Variants in TNRC6B observed in about 807,000 individuals in gnomAD.
TNRC6B encodes the protein trinucleotide repeat containing adaptor 6B.
TNRC6B carries 52 observed loss-of-function variants against 203.6 expected under a neutral mutation model. That is an observed-to-expected ratio of 0.26 (90% CI 0.20 to 0.32). TNRC6B has a LOEUF of 0.32. Among genes scored for constraint, TNRC6B ranks in the 10% least tolerant of loss-of-function variants. The probability of loss-of-function intolerance (pLI) is 1.00; values close to 1 mark genes in which losing one functional copy is unlikely to be tolerated. For synonymous variants in TNRC6B, 838 were observed against 845.7 expected (o/e 0.99, Z 0.16); for missense variants, 1,923 against 2,286.2 (o/e 0.84, Z 3.24).
rs746462214 is a variant in TNRC6B, at chr22:40,315,953, A to G, written c.4915A>G (p.Ser1639Gly). The stretch of plus-strand genomic sequence containing the variant: ...CTGGTTGCTCATAGCCTCTACCTGG[A>G]GTGATGGTGGCTCAGTTCGTCCTAG... ...DSRLASASTW[S>G]DGGSVRPSYW... The change falls in exon 21 of 23, where the codon AGT (serine) becomes GGT (glycine). Residue 1639 changes from serine (S) to glycine (G), a missense_variant. Ser to Gly is a moderately conservative substitution (Grantham distance 56). Coordinates refer to ENST00000454349, the MANE Select transcript of TNRC6B (RefSeq NM_001162501.2). 4 of 1,613,728 alleles carry G rather than the reference A, an allele frequency of 2.5e-6. No homozygotes were observed. Among genetic ancestry groups the G allele is most frequent in the Non-Finnish European group, 8.5e-7 (1 of 1,179,748 alleles).
intron 4 of TNRC6B, among the ~76,000 whole-genome samples, chr22:40,158,923 T>C (rs1006660180): frequency 6.6e-6 from 1 of 152,172 alleles, no homozygotes. Flanking sequence ...TACTATACTT[T>C]GTAAATATGA....
rs1320238942 is a variant in TNRC6B, at chr22:40,153,698, T to C, written c.46-2417T>C. 2.6e-5 allele frequency among the ~76,000 whole-genome samples: 4 copies of C among 151,920 alleles called. No individual in the cohort carries two copies. In the South Asian group the frequency reaches 6.2e-4, roughly 24 times the overall value. On this transcript the variant is annotated intron_variant, in intron 3 of 23. Coordinates refer to the TNRC6B transcript ENST00000301923. ...ACATAATAGCACTGTTAGCACTGAA[T>C]ATTGAGTTGAACAAAAACGGTAACT...
At chr22:40,058,989 C>T (rs1173807724) in intron 1 of TNRC6B, among the ~76,000 whole-genome samples, 1 of 152,208 alleles carries the variant, frequency 6.6e-6, no homozygotes, top group Non-Finnish European at 1.5e-5. Flanking sequence ...TCTTTAGCAA[C>T]CTGTCCTTAC....
At chr22:40,117,446 A>G (rs566755009) in intron 2 of TNRC6B, among the ~76,000 whole-genome samples, 1 of 152,290 alleles carries the variant, frequency 6.6e-6, no homozygotes, top group South Asian at 2.1e-4. Context: ...TCTGTAGTCC[A>G]CATTACTGCC....
chr22:40,153,513 T>C (rs1356513620), intron 3 of TNRC6B, among the ~76,000 whole-genome samples: 1 of 148,202 alleles, frequency 6.7e-6, no homozygotes, highest in Non-Finnish European at 1.5e-5. Flanking sequence ...AGTTTGAGGA[T>C]GAATTAATGA....
intron 3 of TNRC6B, among the ~76,000 whole-genome samples, chr22:40,260,210 T>G (rs980692446): frequency 6.6e-6 from 1 of 152,128 alleles, no homozygotes; most frequent in South Asian, 2.1e-4. Flanking sequence ...ACTTTTTTTT[T>G]TTTTTAAAGA....
At chr22:40,267,870 CAA>C (rs34619639) in intron 5 of TNRC6B, among the ~76,000 whole-genome samples, 41 of 146,242 alleles carry the variant, frequency 2.8e-4, no homozygotes, top group Middle Eastern at 3.5e-3. Flanking sequence ...ACCCTGTTGC[CAA>C]AAAAAAAAGA....
intron 3 of TNRC6B, among the ~76,000 whole-genome samples, chr22:40,144,556 T>C (rs1237847395): frequency 6.6e-6 from 1 of 151,708 alleles, no homozygotes; most frequent in Non-Finnish European, 1.5e-5. Flanking sequence ...GCACCTGTAG[T>C]CCCAGCTACT....
intron 1 of TNRC6B, among the ~76,000 whole-genome samples, chr22:40,209,246 A>G (rs1251681285): frequency 8.5e-6 from 1 of 116,968 alleles, no homozygotes; most frequent in South Asian, 3.1e-4. Flanking sequence ...AGAAACTTCT[A>G]AAGATAGCTT....
intron 12 of TNRC6B, among the ~76,000 whole-genome samples, chr22:40,293,190 CTTTTTTT>C (rs748230080): frequency 3.8e-5 from 3 of 79,450 alleles, no homozygotes; most frequent in East Asian, 8.8e-4. Flanking sequence ...ATATCCTTTT[CTTTTTTT>C]TTTTTTTTTT....
chr22:40,118,740 A>G (rs182382782), intron 2 of TNRC6B, among the ~76,000 whole-genome samples: 3 of 152,244 alleles, frequency 2.0e-5, no homozygotes, highest in Admixed American at 2.0e-4. Flanking sequence ...CTTATCACAT[A>G]GAGGAATCTA....
At position 40,285,961 on chromosome 22, in the gene TNRC6B, A is replaced by G. The variant is rs1391559797; in HGVS notation, c.3708+191A>G. On this transcript the variant is annotated intron_variant, in intron 12 of 22. Transcript: ENST00000454349. The stretch of plus-strand genomic sequence containing the variant: ...TGAAATATCTAGCTGCCAAAGATGA[A>G]GACTTTTAGAACAAAATCTCAAATC... Among the ~76,000 whole-genome samples the G allele has an allele frequency of 2.6e-5, 4 of 152,368 alleles. No individual in the cohort carries two copies. The South Asian group carries it at 8.3e-4, about 32-fold the overall frequency.
chr22:40,263,373 G>A (rs958501229), intron 4 of TNRC6B, among the ~76,000 whole-genome samples: 1 of 152,182 alleles, frequency 6.6e-6, no homozygotes, highest in Non-Finnish European at 1.5e-5. Context: ...CCCTACCCAT[G>A]GCCTTTCCTT....
chr22:40,200,208 T>C (rs2069391632), intron 1 of TNRC6B, among the ~76,000 whole-genome samples: 1 of 151,482 alleles, frequency 6.6e-6, no homozygotes, highest in African/African-American at 2.4e-5. Flanking sequence ...CAGTTCTTGG[T>C]ACTATTCTTG....
chr22:40,266,429 AG>A lies in TNRC6B; in HGVS notation c.2201del (p.Gly734ValfsTer58). On this transcript the variant is annotated frameshift_variant, in exon 5 of 23. Transcript: ENST00000454349. LOFTEE classifies it high-confidence loss of function. ...ENPSKDQGWG[G>X]GRQPNQGWSS... ...ATCCCAGCAAGGATCAGGGGTGGGG[AG>A]GTGGACGCCAGCCCAATCAAGGATG... 1 of 1,613,840 alleles carries A rather than the reference AG, an allele frequency of 6.2e-7. No homozygotes were observed. The highest frequency in any genetic ancestry group is 8.5e-7 in the Non-Finnish European group (1 of 1,179,842).
At chr22:40,246,324 G>GTAGCCTCCTGAGTAGCT in intron 2 of TNRC6B, 1 of 310,544 alleles carries the variant, frequency 3.2e-6, no homozygotes, top group African/African-American at 2.2e-5. Context: ...TGAGTAGCTG[G>GTAGCCTCCTGAGTAGCT]GATTACAGGT....
rs957792720 is a variant in TNRC6B, at chr22:40,333,849, G to A, written c.*10608G>A. On this transcript the variant is annotated 3_prime_UTR_variant, in exon 23 of 23. Coordinates refer to ENST00000454349, the MANE Select transcript of TNRC6B (RefSeq NM_001162501.2). ...TTGCCTAGATTTGGGCACCCATGAAGCAGGGTTGGAATGGATCATTTTGAA... is the reference window on the plus strand; with the variant it reads ...TTGCCTAGATTTGGGCACCCATGAAACAGGGTTGGAATGGATCATTTTGAA... The A allele has an allele frequency of 1.3e-5, 2 of 152,642 alleles. No individual in the cohort carries two copies. The highest frequency in any genetic ancestry group is 1.3e-4 in the Admixed American group (2 of 15,282). 9.5% of individuals were successfully genotyped at this position (152,642 alleles called of 1,614,324 possible). A position where few individuals can be genotyped will look rare whatever the true frequency, so the allele number is the denominator to read the frequency against.
At chr22:40,162,098 A>G (rs1601850716) in intron 4 of TNRC6B, among the ~76,000 whole-genome samples, 1 of 151,898 alleles carries the variant, frequency 6.6e-6, no homozygotes, top group East Asian at 1.9e-4. Flanking sequence ...GCCAAATACC[A>G]ATTTTTATTT....
intron 1 of TNRC6B, among the ~76,000 whole-genome samples, chr22:40,242,605 T>A (rs2070046693): frequency 6.6e-6 from 1 of 151,368 alleles, no homozygotes; most frequent in Admixed American, 6.6e-5. Flanking sequence ...TAATTTTGTA[T>A]TTTAAACCTC....
Sources: allele counts gnomAD v4.1 joint callset (sites outside exome capture counted in the v4.1 genomes callset), GRCh38; gene constraint gnomAD v4.1.1; transcripts MANE v1.5; gene names NCBI Gene and HGNC (gene_info 2026-07-23, HGNC 2026-07-21).